RILPL1: variants seen among roughly 807,000 people sequenced by gnomAD.
RILPL1 encodes Rab interacting lysosomal protein like 1, also known as RILP-like protein 1.
In RILPL1, 33 loss-of-function variants were observed where a neutral mutation model predicts 50.3. The ratio of observed to expected loss-of-function variants is 0.66; its 90% confidence interval spans 0.50 to 0.88. The LOEUF (loss-of-function observed/expected upper bound fraction) is 0.88. RILPL1 is among the 40% of genes least tolerant of loss of function. The probability of loss-of-function intolerance (pLI) is 0.00; values close to 1 mark genes in which losing one functional copy is unlikely to be tolerated. For synonymous variants in RILPL1, 205 were observed against 228.6 expected, an observed-to-expected ratio of 0.90 and a Z score of 0.93; for missense variants, 418 against 542.5, an observed-to-expected ratio of 0.77 and a Z score of 2.28.
chr12:123,501,034 G>C (rs978406990), intron 2 of RILPL1, among the ~76,000 whole-genome samples: 1 of 152,062 alleles, frequency 6.6e-6, no homozygotes, highest in African/African-American at 2.4e-5. Context: ...CTTGAACCTG[G>C]GAGGTGGAGG....
intron 2 of RILPL1, among the ~76,000 whole-genome samples, chr12:123,507,343 G>A (rs1425651732): frequency 2.0e-5 from 3 of 150,794 alleles, no homozygotes; most frequent in Non-Finnish European, 3.0e-5. Flanking sequence ...CAGGAGGACT[G>A]CCTGAGCCCA....
chr12:123,529,940 A>T (rs1268821047), intron 1 of RILPL1, among the ~76,000 whole-genome samples: 1 of 151,690 alleles, frequency 6.6e-6, no homozygotes, highest in African/African-American at 2.4e-5. Flanking sequence ...GCACCATCCC[A>T]TGGAAAGTCA....
chr12:123,497,798 C>T (rs1032388508), intron 4 of RILPL1, among the ~76,000 whole-genome samples: 7 of 152,172 alleles, frequency 4.6e-5, no homozygotes, highest in African/African-American at 1.4e-4. Flanking sequence ...TCTTGATCCC[C>T]TTGCCTCAGC....
chr12:123,518,333 C>T (rs774057630), intron 2 of RILPL1: 54 of 425,606 alleles, frequency 1.3e-4, no homozygotes, highest in East Asian at 8.5e-4. Context: ...GTGAGACCCC[C>T]GTCTCTACCA....
intron 2 of RILPL1, among the ~76,000 whole-genome samples, chr12:123,521,955 C>T (rs1885083408): frequency 6.6e-6 from 1 of 151,600 alleles, no homozygotes; most frequent in African/African-American, 2.4e-5. Context: ...TTGTATTTTT[C>T]GTAGAGACGG....
At chr12:123,475,585 G>A (rs988068943) in intron 6 of RILPL1, 6 of 913,054 alleles carry the variant, frequency 6.6e-6, no homozygotes, top group African/African-American at 1.6e-5. Context: ...GGGGGAGACA[G>A]GTCAGCCCCA....
intron 2 of RILPL1, among the ~76,000 whole-genome samples, chr12:123,509,051 C>T (rs183560533): frequency 1.3e-5 from 2 of 151,972 alleles, no homozygotes; most frequent in Admixed American, 6.6e-5. Flanking sequence ...AGCTGGAAAT[C>T]GCTTCAACTC....
chr12:123,495,684 T>G (rs1056616940), intron 4 of RILPL1, among the ~76,000 whole-genome samples: 78 of 145,122 alleles, frequency 5.4e-4, no homozygotes, highest in Non-Finnish European at 8.9e-4. Context: ...CCAGTTTTTT[T>G]TTTTTTTTTT....
rs1397876200 is a variant in RILPL1, at chr12:123,471,143, T to C, written c.*1395A>G. The stretch of plus-strand genomic sequence containing the variant: ...TGGAGTGCAATGGCACGATCTAGGC[T>C]CACTGCAACCTCTGCCTCCTAGGTT... On this transcript the variant is annotated 3_prime_UTR_variant, in exon 7 of 7. Coordinates refer to ENST00000376874, the MANE Select transcript of RILPL1 (RefSeq NM_178314.5). 2 of 151,360 alleles carry C rather than the reference T, an allele frequency of 1.3e-5. No homozygotes were observed. Among genetic ancestry groups the C allele is most frequent in the African/African-American group, 4.9e-5 (2 of 41,106 alleles). The allele number at this position is 151,360 out of a possible 1,614,324, so 9.4% of individuals were successfully genotyped here. A position where few individuals can be genotyped will look rare whatever the true frequency, so the allele number is the denominator to read the frequency against.
intron 1 of RILPL1, among the ~76,000 whole-genome samples, chr12:123,528,722 G>A (rs1398719336): frequency 1.3e-5 from 2 of 152,048 alleles, no homozygotes; most frequent in Admixed American, 1.3e-4. Context: ...CACCGCGCCC[G>A]ACCAGTTTGT....
intron 1 of RILPL1, among the ~76,000 whole-genome samples, chr12:123,528,104 C>T (rs996447603): frequency 3.9e-5 from 6 of 152,072 alleles, no homozygotes; most frequent in Admixed American, 6.6e-5. Flanking sequence ...TGGTGGGTCA[C>T]GCCTGTAATT....
At chr12:123,520,952 G>T (rs1277654957) in intron 2 of RILPL1, among the ~76,000 whole-genome samples, 1 of 152,158 alleles carries the variant, frequency 6.6e-6, no homozygotes, top group Non-Finnish European at 1.5e-5. Context: ...TGGGTCAAAG[G>T]GTCCCAGAGA....
chr12:123,479,468 G>A (rs957472159), intron 6 of RILPL1, among the ~76,000 whole-genome samples: 4 of 152,134 alleles, frequency 2.6e-5, no homozygotes, highest in African/African-American at 9.7e-5. Context: ...CAGGAGGAAT[G>A]AAGGATGGAA....
At chr12:123,506,252 G>A (rs1883744647) in intron 2 of RILPL1, among the ~76,000 whole-genome samples, 1 of 152,252 alleles carries the variant, frequency 6.6e-6, no homozygotes, top group Admixed American at 6.5e-5. Flanking sequence ...CCCTGGGGGA[G>A]GGGCTGCATC....
At chr12:123,517,500 C>T (rs899657935) in intron 2 of RILPL1, among the ~76,000 whole-genome samples, 1 of 150,760 alleles carries the variant, frequency 6.6e-6, no homozygotes, top group African/African-American at 2.5e-5. Context: ...CGGCTCACTG[C>T]TACCTCCGCT....
chr12:123,532,644 A>G (rs1470896441), intron 1 of RILPL1, among the ~76,000 whole-genome samples: 1 of 136,364 alleles, frequency 7.3e-6, no homozygotes, highest in East Asian at 2.5e-4. Context: ...ATGAACCCGA[A>G]GACTAGGGGT....
chr12:123,530,269 G>A (rs1372931324), intron 1 of RILPL1, among the ~76,000 whole-genome samples: 1 of 152,042 alleles, frequency 6.6e-6, no homozygotes, highest in Non-Finnish European at 1.5e-5. Context: ...GGGTTCAAGC[G>A]ATTCTCCTGC....
chr12:123,477,337 CTTTTTTTTT>C (rs371346379), intron 6 of RILPL1, among the ~76,000 whole-genome samples: 7 of 105,352 alleles, frequency 6.6e-5, no homozygotes, highest in Admixed American at 2.0e-4. Flanking sequence ...TTCTTTCTTT[CTTTTTTTTT>C]TTTTTTTTTT....
chr12:123,491,049 C>T lies in RILPL1; in HGVS notation c.802-5244G>A, dbSNP rs1882660831. Among the ~76,000 whole-genome samples the T allele has an allele frequency of 1.3e-5, 2 of 152,228 alleles. No individual in the cohort carries two copies. Among genetic ancestry groups the T allele is most frequent in the Non-Finnish European group, 2.9e-5 (2 of 68,038 alleles). On this transcript the variant is annotated intron_variant, in intron 4 of 6. Transcript: ENST00000376874. This position sits in a 1 kb window ranked among gnomAD's most constrained non-coding sequence, Gnocchi z 4.0. Reference sequence around the variant, plus strand: ...ACAGGCGTGAGCCACCATGCCCGCCCTGACTTCTAATACTATTGCCTGAAA... The same window carrying T: ...ACAGGCGTGAGCCACCATGCCCGCCTTGACTTCTAATACTATTGCCTGAAA...
Sources: gnomAD v4.1 joint callset for allele counts (sites outside exome capture counted in the v4.1 genomes callset) on GRCh38, gnomAD v4.1.1 for gene constraint, Gnocchi (gnomAD v3.1) non-coding constraint, MANE v1.5 for transcripts, NCBI Gene and HGNC (gene_info 2026-07-23, HGNC 2026-07-21) for gene names.